Variants in MYT1L observed in about 807,000 individuals in gnomAD.
MYT1L encodes the protein myelin transcription factor 1 like.
In MYT1L, 12 loss-of-function variants were observed where a neutral mutation model predicts 126.7. The observed-to-expected ratio is 0.09, with a 90% CI of 0.06 to 0.15. The LOEUF (loss-of-function observed/expected upper bound fraction) is 0.15. MYT1L is among the 10% of genes least tolerant of loss of function. The pLI is 1.00. For missense variants in MYT1L, 979 were observed against 1,585.2 expected (o/e 0.62, Z 6.49); for synonymous variants, 541 against 604.2 (o/e 0.90, Z 1.53).
intron 2 of MYT1L, among the ~76,000 whole-genome samples, chr2:2,226,240 T>C (rs1437715266): frequency 6.6e-6 from 1 of 152,198 alleles, no homozygotes; most frequent in East Asian, 1.9e-4. Context: ...TGCTGATCAC[T>C]TGTGAAAACT....
Position 1,952,436 on chromosome 2 carries a change from G to A in MYT1L, c.153-9102C>T, listed in dbSNP as rs182437685. Among the ~76,000 whole-genome samples the A allele has an allele frequency of 2.8e-4, 42 of 152,156 alleles. 1 individual carries two copies. The highest frequency in any genetic ancestry group is 1.9e-4 in the East Asian group (1 of 5,138). On this transcript the variant is annotated intron_variant, in intron 8 of 24. Transcript: ENST00000647738. ...ACCATTTGTCAATGCATGTGGACGCGCATCTTGGAGGTAGATAAAGTGCAA... is the reference window on the plus strand; with the variant it reads ...ACCATTTGTCAATGCATGTGGACGCACATCTTGGAGGTAGATAAAGTGCAA...
chr2:1,978,143 GA>G (rs2060325200), intron 8 of MYT1L, among the ~76,000 whole-genome samples: 1 of 152,104 alleles, frequency 6.6e-6, no homozygotes, highest in African/African-American at 2.4e-5. Context: ...TTTTACTAAA[GA>G]ACAATCAAAA....
In MYT1L at chr2:1,922,347, G is replaced by A. The variant is rs199944271; in HGVS notation, c.1422C>T (p.Pro474=). 365 of 1,613,742 alleles carry A rather than the reference G, an allele frequency of 2.3e-4. 1 individual carries two copies. Among genetic ancestry groups the A allele is most frequent in the South Asian group, 1.2e-3 (105 of 91,076 alleles). The change falls in exon 10 of 25, where the codon CCC becomes CCT. Residue 474 remains proline (P), a synonymous_variant. Coordinates refer to ENST00000647738, the MANE Select transcript of MYT1L (RefSeq NM_001303052.2). The surrounding 1 kb of genome is among the most constrained non-coding windows in gnomAD (Gnocchi z 7.4). ...TGGATTTAGGCTTTCTGTCCTCCCC[G>A]GGAAGTTGTCTCGGAGACTGGTCCT... ...SYEDQSPRQL[P]GEDRKPKSSD...
At chr2:2,285,382 T>G (rs565211076) in intron 1 of MYT1L, among the ~76,000 whole-genome samples, 1 of 152,322 alleles carries the variant, frequency 6.6e-6, no homozygotes, top group African/African-American at 2.4e-5. Flanking sequence ...ACCAGGAAGT[T>G]TCCCATATTT....
chr2:1,960,195 A>G (rs376641692), intron 8 of MYT1L, among the ~76,000 whole-genome samples: 173 of 152,334 alleles, frequency 1.1e-3, no homozygotes, highest in African/African-American at 4.1e-3. Flanking sequence ...AAGGCTTTAC[A>G]TGCAGAAAAA....
At chr2:2,135,665 G>C (rs142785110) in intron 3 of MYT1L, among the ~76,000 whole-genome samples, 24 of 152,330 alleles carry the variant, frequency 1.6e-4, no homozygotes, top group African/African-American at 5.8e-4. Flanking sequence ...GATGAAGAGA[G>C]AAATCAGTGG....
chr2:2,286,954 TACACACAGACAC>T (rs2095529899), intron 1 of MYT1L, among the ~76,000 whole-genome samples: 2 of 152,244 alleles, frequency 1.3e-5, no homozygotes, highest in South Asian at 4.2e-4. Context: ...GAGACACAGA[TACACACAGACAC>T]ACACACAGAC....
chr2:1,860,366 C>T (rs1466266765), intron 18 of MYT1L, among the ~76,000 whole-genome samples: 1 of 152,178 alleles, frequency 6.6e-6, no homozygotes. Context: ...ACAGAAACGC[C>T]ACCCCAGCCT....
chr2:1,920,666 T>C (rs1320700058), intron 10 of MYT1L, among the ~76,000 whole-genome samples: 1 of 152,168 alleles, frequency 6.6e-6, no homozygotes, highest in African/African-American at 2.4e-5. Context: ...TTCCCCAAAA[T>C]AAAAATGTTT....
intron 3 of MYT1L, among the ~76,000 whole-genome samples, chr2:2,084,700 C>T (rs1245300178): frequency 1.3e-5 from 2 of 152,140 alleles, no homozygotes; most frequent in African/African-American, 4.8e-5. Context: ...AGGATCCAGC[C>T]CAGCCAGGCC....
chr2:2,074,330 T>C (rs1480541598), intron 3 of MYT1L, among the ~76,000 whole-genome samples: 1 of 152,202 alleles, frequency 6.6e-6, no homozygotes, highest in African/African-American at 2.4e-5. Flanking sequence ...GAAAAGACAC[T>C]CTACTGAAGT....
Position 1,910,165 on chromosome 2 carries a change from C to A in MYT1L, c.1817+75G>T, listed in dbSNP as rs572010718. The A allele has an allele frequency of 2.8e-5, 37 of 1,326,382 alleles. No homozygotes were observed. Among genetic ancestry groups the A allele is most frequent in the Non-Finnish European group, 3.7e-5 (35 of 939,136 alleles). 82.2% of individuals were successfully genotyped at this position (1,326,382 alleles called of 1,614,324 possible). A position where few individuals can be genotyped will look rare whatever the true frequency, so the allele number is the denominator to read the frequency against. Reference sequence around the variant, plus strand: ...TGCTGCTGTAGGGACATGCCCTGAGCGGGTGTCCCCAGCGCTCCGAGGTGT... The same window carrying A: ...TGCTGCTGTAGGGACATGCCCTGAGAGGGTGTCCCCAGCGCTCCGAGGTGT... On this transcript the variant is annotated intron_variant, in intron 13 of 24. Coordinates refer to ENST00000647738, the MANE Select transcript of MYT1L (RefSeq NM_001303052.2). This position sits in a 1 kb window ranked among gnomAD's most constrained non-coding sequence, Gnocchi z 4.8.
At chr2:2,162,728 G>A (rs1415886423) in intron 3 of MYT1L, among the ~76,000 whole-genome samples, 1 of 152,226 alleles carries the variant, frequency 6.6e-6, no homozygotes, top group Non-Finnish European at 1.5e-5. Context: ...CATGAGCAAG[G>A]AATAAACTTT....
chr2:1,931,719 G>C (rs2055017864), intron 9 of MYT1L, among the ~76,000 whole-genome samples: 1 of 152,160 alleles, frequency 6.6e-6, no homozygotes, highest in Non-Finnish European at 1.5e-5. Flanking sequence ...TGTGCGTTGA[G>C]GAGCTCGACC....
chr2:1,858,458 A>G (rs142827475), intron 18 of MYT1L, among the ~76,000 whole-genome samples: 14 of 152,362 alleles, frequency 9.2e-5, no homozygotes, highest in Admixed American at 6.5e-4. Flanking sequence ...TACAAATTTT[A>G]AAAATACGCT....
intron 21 of MYT1L, among the ~76,000 whole-genome samples, chr2:1,836,392 T>C (rs1302694468): frequency 6.8e-6 from 1 of 147,952 alleles, no homozygotes; most frequent in Non-Finnish European, 1.5e-5. Context: ...TCCATCAGCC[T>C]GAACCCCAAG....
intron 1 of MYT1L, among the ~76,000 whole-genome samples, chr2:2,312,589 G>C (rs369154294): frequency 6.6e-6 from 1 of 152,028 alleles, no homozygotes; most frequent in South Asian, 2.1e-4. Flanking sequence ...CTCCAGCCTG[G>C]GTGACAGAGT....
At chr2:1,900,805 C>A (rs1272415327) in intron 14 of MYT1L, among the ~76,000 whole-genome samples, 1 of 152,180 alleles carries the variant, frequency 6.6e-6, no homozygotes, top group African/African-American at 2.4e-5. Flanking sequence ...GAAGCCCTAA[C>A]ATTCAGCTTT....
chr2:1,846,770 C>T (rs1361815496), intron 19 of MYT1L, among the ~76,000 whole-genome samples: 3 of 152,186 alleles, frequency 2.0e-5, no homozygotes, highest in African/African-American at 4.8e-5. Flanking sequence ...ACCCTCCGGA[C>T]CCTCTGACTA....
Sources: allele counts gnomAD v4.1 joint callset (sites outside exome capture counted in the v4.1 genomes callset), GRCh38; gene constraint gnomAD v4.1.1; non-coding constraint Gnocchi (gnomAD v3.1); transcripts MANE v1.5; gene names NCBI Gene and HGNC (gene_info 2026-07-23, HGNC 2026-07-21).